AGAP1: variants seen among roughly 807,000 people sequenced by gnomAD.
AGAP1 encodes arf-GAP with GTPase, ANK repeat and PH domain-containing protein 1.
Under a neutral mutation model 105.3 loss-of-function variants are expected in AGAP1, and 29 were observed. That is an observed-to-expected ratio of 0.28 (90% CI 0.21 to 0.38). The LOEUF is 0.38. Ranked by LOEUF, AGAP1 falls within the 10% of genes least tolerant of loss-of-function variation. AGAP1 has a pLI of 1.00. For missense variants in AGAP1, 998 were observed against 1,165.1 expected, an observed-to-expected ratio of 0.86 and a Z score of 2.09; for synonymous variants, 509 against 485.9, an observed-to-expected ratio of 1.05 and a Z score of -0.63.
chr2:235,718,968 A>T (rs942264928), intron 3 of AGAP1, among the ~76,000 whole-genome samples: 1 of 152,174 alleles, frequency 6.6e-6, no homozygotes, highest in Non-Finnish European at 1.5e-5. Flanking sequence ...AATTTTAGCC[A>T]CGGCCAGCTG....
intron 1 of AGAP1, among the ~76,000 whole-genome samples, chr2:235,544,346 T>G (rs566889961): frequency 6.6e-6 from 1 of 152,308 alleles, no homozygotes; most frequent in East Asian, 1.9e-4. Context: ...CTGCCGTTGC[T>G]TACGAGGTTC....
At chr2:235,624,986 C>T (rs1347020660) in intron 1 of AGAP1, among the ~76,000 whole-genome samples, 2 of 152,170 alleles carry the variant, frequency 1.3e-5, no homozygotes, top group Non-Finnish European at 2.9e-5. Flanking sequence ...TGAGGCCTCA[C>T]CAAAACAGAT....
intron 1 of AGAP1, among the ~76,000 whole-genome samples, chr2:235,694,472 CTG>C (rs1265125720): frequency 7.2e-6 from 1 of 139,572 alleles, no homozygotes; most frequent in Admixed American, 7.3e-5. Flanking sequence ...GAGCGAGACT[CTG>C]TCTCAAAAAA....
chr2:235,849,043 G>C (rs1207678491), intron 9 of AGAP1, among the ~76,000 whole-genome samples: 3 of 152,160 alleles, frequency 2.0e-5, no homozygotes, highest in African/African-American at 7.2e-5. Context: ...AAATTGGCTG[G>C]TTAATTCTGG....
intron 12 of AGAP1, among the ~76,000 whole-genome samples, chr2:235,946,696 C>T (rs2053515856): frequency 6.6e-6 from 1 of 152,180 alleles, no homozygotes. Flanking sequence ...GGCAGCCATT[C>T]AAGTGCTGCT....
intron 11 of AGAP1, among the ~76,000 whole-genome samples, chr2:235,910,632 T>C (rs1163787620): frequency 6.6e-6 from 1 of 152,168 alleles, no homozygotes; most frequent in African/African-American, 2.4e-5. Context: ...AAAAAATATC[T>C]ATAGGCCAGG....
chr2:235,799,469 A>C lies in AGAP1; in HGVS notation c.904A>C (p.Asn302His). 6.2e-7 allele frequency: 1 copy of C among 1,614,188 alleles called. No homozygotes were observed. Among genetic ancestry groups the C allele is most frequent in the Non-Finnish European group, 8.5e-7 (1 of 1,180,036 alleles). The change falls in exon 8 of 18, where the codon AAC becomes CAC. Residue 302 changes from asparagine to histidine, a missense_variant. By Grantham distance (68) the Asn-to-His change is moderately conservative. Around this residue, in one of 3 missense-constraint regions of AGAP1, gnomAD observed 735 missense variants for 833.4 expected, o/e 0.88. Coordinates refer to ENST00000304032, the MANE Select transcript of AGAP1 (RefSeq NM_001037131.3). This position sits in a 1 kb window ranked among gnomAD's most constrained non-coding sequence, Gnocchi z 5.0. ...TCGGATCGATGTTCCTCCCACTGCC[A>C]ACACGCCCACGCCCGTTCGCAAGCA... ...ELRIDVPPTA[N>H]TPTPVRKQSK...
At chr2:235,922,903 T>C (rs1180574817) in intron 11 of AGAP1, among the ~76,000 whole-genome samples, 1 of 152,230 alleles carries the variant, frequency 6.6e-6, no homozygotes, top group African/African-American at 2.4e-5. Context: ...TTTAGGGATA[T>C]AAGTACAGCT....
Position 235,712,712 on chromosome 2 carries a change from A to G in AGAP1, c.222+3475A>G, listed in dbSNP as rs1950914624. Among the ~76,000 whole-genome samples, 1 of 152,060 alleles carries G rather than the reference A, an allele frequency of 6.6e-6. No homozygotes were observed. The highest frequency in any genetic ancestry group is 1.5e-5 in the Non-Finnish European group (1 of 68,042). On this transcript the variant is annotated intron_variant, in intron 2 of 17. Transcript: ENST00000304032. This position sits in a 1 kb window ranked among gnomAD's most constrained non-coding sequence, Gnocchi z 6.0. ...TGCCTGCACAGACGGTGACCCCTGC[A>G]CAGAGGTTGACAGTGGCAACCTCTT...
Position 235,971,983 on chromosome 2 carries a change from T to G in AGAP1, c.1645+3360T>G, listed in dbSNP as rs945129381. The stretch of plus-strand genomic sequence containing the variant: ...TTGTAGAAATGGAGTTTCACTCTTT[T>G]GCCCAGGCTGGTCTTGAACTCCTGG... On this transcript the variant is annotated intron_variant, in intron 13 of 17. Transcript: ENST00000304032. The surrounding 1 kb of genome is among the most constrained non-coding windows in gnomAD (Gnocchi z 4.8). 1.3e-5 allele frequency among the ~76,000 whole-genome samples: 2 copies of G among 151,940 alleles called. No homozygotes were observed. Among genetic ancestry groups the G allele is most frequent in the African/African-American group, 2.4e-5 (1 of 41,378 alleles).
At chr2:235,802,998 G>GATGGTTGTGATGGTGA in intron 8 of AGAP1, among the ~76,000 whole-genome samples, 1 of 17,148 alleles carries the variant, frequency 5.8e-5, no homozygotes, top group South Asian at 1.8e-3. Flanking sequence ...TGTGATGGTG[G>GATGGTTGTGATGGTGA]TGATGGTTGT....
In AGAP1 at chr2:236,062,323, G is replaced by A. The variant is rs1057403365; in HGVS notation, c.2114+13042G>A. Reference sequence around the variant, plus strand: ...CCCTGAGCCTGTGAATGCAGGACGGGCCAGAACCCACCCCAGATCTGACCT... The same window carrying A: ...CCCTGAGCCTGTGAATGCAGGACGGACCAGAACCCACCCCAGATCTGACCT... On this transcript the variant is annotated intron_variant, in intron 16 of 17. Coordinates refer to ENST00000304032, the MANE Select transcript of AGAP1 (RefSeq NM_001037131.3). The surrounding 1 kb of genome is among the most constrained non-coding windows in gnomAD (Gnocchi z 4.2). 2.0e-5 allele frequency among the ~76,000 whole-genome samples: 3 copies of A among 152,086 alleles called. No individual in the cohort carries two copies. Among genetic ancestry groups the A allele is most frequent in the Middle Eastern group, 3.2e-3 (1 of 316 alleles).
chr2:235,814,247 A>G (rs1056402474), intron 9 of AGAP1, among the ~76,000 whole-genome samples: 1 of 152,100 alleles, frequency 6.6e-6, no homozygotes, highest in African/African-American at 2.4e-5. Flanking sequence ...TCTACCCAGC[A>G]CTTCCCTGCC....
rs1244421416 is a variant in AGAP1 at position 235,734,361 on chromosome 2, G to A, written c.311-6602G>A. Among the ~76,000 whole-genome samples, 1 of 152,082 alleles carries A rather than the reference G, an allele frequency of 6.6e-6. No homozygotes were observed. Among genetic ancestry groups the A allele is most frequent in the East Asian group, 1.9e-4 (1 of 5,178 alleles). On this transcript the variant is annotated intron_variant, in intron 3 of 17. Coordinates refer to ENST00000304032, the MANE Select transcript of AGAP1 (RefSeq NM_001037131.3). This position sits in a 1 kb window ranked among gnomAD's most constrained non-coding sequence, Gnocchi z 5.3. ...AACCCCACAGCGCTGGGCGGTTGAC[G>A]AGGTGTGGCCAGCTTGCATCTGCTG...
chr2:235,745,216 AATCT>A (rs1453665505), intron 5 of AGAP1, among the ~76,000 whole-genome samples: 1 of 152,250 alleles, frequency 6.6e-6, no homozygotes, highest in Non-Finnish European at 1.5e-5. Context: ...ATTTATAAAC[AATCT>A]ATTAAAGCTT....
At chr2:235,998,106 C>T (rs989815760) in intron 13 of AGAP1, among the ~76,000 whole-genome samples, 1 of 152,194 alleles carries the variant, frequency 6.6e-6, no homozygotes, top group Non-Finnish European at 1.5e-5. Context: ...ATATTTAAAA[C>T]AATAACCACC....
Position 235,736,493 on chromosome 2 carries a change from G to T in AGAP1, c.311-4470G>T, listed in dbSNP as rs10179843. Reference sequence around the variant, plus strand: ...GGATACCGGTGGGCGAACCAGACCTGCAGGAAAATACATGGAAATGGGGAC... The same window carrying T: ...GGATACCGGTGGGCGAACCAGACCTTCAGGAAAATACATGGAAATGGGGAC... On this transcript the variant is annotated intron_variant, in intron 3 of 17. Transcript: ENST00000304032. This position sits in a 1 kb window ranked among gnomAD's most constrained non-coding sequence, Gnocchi z 5.5. Among the ~76,000 whole-genome samples the T allele has an allele frequency of 9.2e-5, 14 of 152,050 alleles. No homozygotes were observed. The highest frequency in any genetic ancestry group is 3.3e-4 in the Admixed American group (5 of 15,262).
Position 235,728,702 on chromosome 2 carries a change from C to T in AGAP1, c.310+11058C>T, listed in dbSNP as rs1389363288. The stretch of plus-strand genomic sequence containing the variant: ...TGTTGTATATTTTTTTAAAAATTAA[C>T]ACCACCATAAGCAAGAAGGAAAAAA... On this transcript the variant is annotated intron_variant, in intron 3 of 17. Coordinates refer to ENST00000304032, the MANE Select transcript of AGAP1 (RefSeq NM_001037131.3). This position sits in a 1 kb window ranked among gnomAD's most constrained non-coding sequence, Gnocchi z 4.3. Among the ~76,000 whole-genome samples, 3 of 152,094 alleles carry T rather than the reference C, an allele frequency of 2.0e-5. No homozygotes were observed. Among genetic ancestry groups the T allele is most frequent in the Admixed American group, 6.5e-5 (1 of 15,270 alleles).
intron 16 of AGAP1, among the ~76,000 whole-genome samples, chr2:236,077,142 AAT>A (rs1340264497): frequency 1.2e-3 from 127 of 106,640 alleles, no homozygotes; most frequent in East Asian, 0.011. Flanking sequence ...AAAAAAAAAA[AAT>A]ATATATATAT....
Sources: gnomAD v4.1 joint callset for allele counts (sites outside exome capture counted in the v4.1 genomes callset) on GRCh38, gnomAD v4.1.1 for gene constraint, gnomAD v4.1.1 regional missense constraint, Gnocchi (gnomAD v3.1) non-coding constraint, MANE v1.5 for transcripts, NCBI Gene and HGNC (gene_info 2026-07-23, HGNC 2026-07-21) for gene names.